Variants in INPP4B observed in about 807,000 individuals in gnomAD.
The protein encoded by INPP4B is inositol polyphosphate-4-phosphatase type II B.
A neutral mutation model predicts 122.5 loss-of-function variants in INPP4B; 55 were observed. That is an observed-to-expected ratio of 0.45 (90% confidence interval 0.36 to 0.56). The LOEUF (loss-of-function observed/expected upper bound fraction) is 0.56, where lower values mean the gene tolerates loss of function less well. INPP4B is among the 20% of genes least tolerant of loss of function. INPP4B has a pLI of 0.00. For missense variants in INPP4B, 1,000 were observed against 1,097.7 expected (o/e 0.91, Z 1.26); for synonymous variants, 403 against 388.7 (o/e 1.04, Z -0.43).
chr4:142,252,275 G>A (rs965005990), intron 11 of INPP4B, among the ~76,000 whole-genome samples: 231 of 144,138 alleles, frequency 1.6e-3, no homozygotes, highest in Middle Eastern at 3.6e-3. Context: ...TGCAAGCTCC[G>A]CCTCCCGGGT....
intron 12 of INPP4B, among the ~76,000 whole-genome samples, chr4:142,210,826 G>A (rs901883327): frequency 1.3e-5 from 2 of 152,160 alleles, no homozygotes; most frequent in Non-Finnish European, 1.5e-5. Flanking sequence ...GGGATGACGA[G>A]GAAGGTAGAA....
intron 1 of INPP4B, among the ~76,000 whole-genome samples, chr4:142,835,072 T>C (rs1417842377): frequency 6.6e-6 from 1 of 152,236 alleles, no homozygotes. Context: ...CCCTGAAGTT[T>C]TAGGCAGAAA....
chr4:142,522,946 T>C (rs1826295869), intron 2 of INPP4B, among the ~76,000 whole-genome samples: 1 of 152,130 alleles, frequency 6.6e-6, no homozygotes. Flanking sequence ...ATGTGATTTC[T>C]TGTTGCTAGT....
At chr4:142,296,999 TCAC>T (rs1263037480) in intron 9 of INPP4B, among the ~76,000 whole-genome samples, 26 of 11,760 alleles carry the variant, frequency 2.2e-3, no homozygotes, top group Admixed American at 8.7e-3. Flanking sequence ...TGAAGTTACT[TCAC>T]TTGAAGTTAC....
At chr4:142,843,472 C>A (rs140072229) in intron 1 of INPP4B, among the ~76,000 whole-genome samples, 15 of 151,948 alleles carry the variant, frequency 9.9e-5, no homozygotes, top group Non-Finnish European at 1.8e-4. Flanking sequence ...ACAGAAGAGA[C>A]TCACACAGCT....
intron 9 of INPP4B, among the ~76,000 whole-genome samples, chr4:142,298,336 A>G (rs1396230717): frequency 6.6e-6 from 1 of 152,092 alleles, no homozygotes; most frequent in African/African-American, 2.4e-5. Context: ...TCCTGTCATG[A>G]AAGGGGTCCA....
chr4:142,038,492 C>G (rs1414178787), intron 25 of INPP4B, among the ~76,000 whole-genome samples: 1 of 152,112 alleles, frequency 6.6e-6, no homozygotes, highest in Non-Finnish European at 1.5e-5. Context: ...CAATCTTGGG[C>G]AACATTAAGC....
At chr4:142,558,176 T>C (rs539531449) in intron 2 of INPP4B, among the ~76,000 whole-genome samples, 99 of 152,322 alleles carry the variant, frequency 6.5e-4, no homozygotes, top group African/African-American at 2.4e-3. Flanking sequence ...CATGGTATCA[T>C]TCCTCAGTCC....
intron 9 of INPP4B, among the ~76,000 whole-genome samples, chr4:142,280,137 C>A (rs767852260): frequency 6.6e-6 from 1 of 151,896 alleles, no homozygotes; most frequent in Non-Finnish European, 1.5e-5. Flanking sequence ...AACAGCTCAG[C>A]TGCTTTTTAT....
At chr4:142,510,989 T>G (rs1028928419) in intron 2 of INPP4B, among the ~76,000 whole-genome samples, 8 of 152,294 alleles carry the variant, frequency 5.3e-5, no homozygotes, top group African/African-American at 1.9e-4. Flanking sequence ...CCAAATTGAA[T>G]GTGACTTAAG....
At chr4:142,691,132 A>G (rs868172749) in intron 2 of INPP4B, among the ~76,000 whole-genome samples, 18 of 151,972 alleles carry the variant, frequency 1.2e-4, no homozygotes, top group South Asian at 2.1e-4. Flanking sequence ...CAGCCCCCCA[A>G]TGTGTCTCTT....
chr4:142,073,017 C>G (rs1281359091), intron 25 of INPP4B, among the ~76,000 whole-genome samples: 2 of 152,046 alleles, frequency 1.3e-5, no homozygotes, highest in Admixed American at 1.3e-4. Flanking sequence ...GTGGGGCAGC[C>G]TGCTCTTTGC....
chr4:142,460,808 C>T (rs1816571141), intron 3 of INPP4B, among the ~76,000 whole-genome samples: 1 of 151,426 alleles, frequency 6.6e-6, no homozygotes, highest in African/African-American at 2.4e-5. Context: ...AACTTCTCTT[C>T]CAAAATAAGC....
intron 7 of INPP4B, among the ~76,000 whole-genome samples, chr4:142,400,889 T>G (rs1355478391): frequency 6.6e-6 from 1 of 152,160 alleles, no homozygotes; most frequent in Non-Finnish European, 1.5e-5. Flanking sequence ...ACATTTTAAA[T>G]GAAGGAGATT....
At chr4:142,273,850 G>A (rs1324065836) in intron 9 of INPP4B, among the ~76,000 whole-genome samples, 1 of 151,752 alleles carries the variant, frequency 6.6e-6, no homozygotes, top group Admixed American at 6.6e-5. Context: ...GGTAAATCCA[G>A]GTTATAAACT....
chr4:142,471,732 G>A lies in INPP4B; in HGVS notation c.-190-9006C>T, dbSNP rs74670670. ...GATTTCTTTGGAGCAGTGCTCGTGT[G>A]TATTTAGCTGGGGTTGGAGCTCCTG... is the stretch of plus-strand genomic sequence containing the variant. On this transcript the variant is annotated intron_variant, in intron 2 of 25. Transcript: ENST00000262992. 6.2e-3 allele frequency among the ~76,000 whole-genome samples: 947 copies of A among 152,214 alleles called. 14 individuals carry two copies. Among genetic ancestry groups the A allele is most frequent in the African/African-American group, 0.022 (894 of 41,532 alleles).
intron 2 of INPP4B, among the ~76,000 whole-genome samples, chr4:142,635,506 A>C (rs1580572915): frequency 6.6e-6 from 1 of 152,320 alleles, no homozygotes; most frequent in East Asian, 1.9e-4. Context: ...GTACATATAC[A>C]CCATGGAATA....
At chr4:142,400,111 ATTT>A (rs1009118688) in intron 7 of INPP4B, among the ~76,000 whole-genome samples, 17 of 152,198 alleles carry the variant, frequency 1.1e-4, no homozygotes, top group African/African-American at 2.9e-4. Context: ...AAAGGCCATC[ATTT>A]CTCTTTAAAA....
chr4:142,587,736 CTCCAGTCCCCCTG>C (rs1736542547), intron 2 of INPP4B, among the ~76,000 whole-genome samples: 1 of 151,978 alleles, frequency 6.6e-6, no homozygotes, highest in South Asian at 2.1e-4. Context: ...ATTATTTTGA[CTCCAGTCCCCCTG>C]TTGTGCTATC....
Sources: gnomAD v4.1 joint callset for allele counts (sites outside exome capture counted in the v4.1 genomes callset) on GRCh38, gnomAD v4.1.1 for gene constraint, MANE v1.5 for transcripts, NCBI Gene and HGNC (gene_info 2026-07-23, HGNC 2026-07-21) for gene names.